Variants in CCND1 observed in about 807,000 individuals in gnomAD.
CCND1 encodes the protein G1/S-specific cyclin-D1.
Under a neutral mutation model 26.1 loss-of-function variants are expected in CCND1, and 9 were observed. The observed-to-expected ratio is 0.35, with a 90% CI of 0.21 to 0.60. The LOEUF (loss-of-function observed/expected upper bound fraction) is 0.60, where lower values mean the gene tolerates loss of function less well. Ranked by LOEUF, CCND1 falls within the 20% of genes least tolerant of loss-of-function variation. CCND1 has a pLI of 0.79. For missense variants in CCND1, 335 were observed against 392.9 expected (o/e 0.85, Z 1.25); for synonymous variants, 194 against 166.1 (o/e 1.17, Z -1.29).
rs1855806538 is a variant in CCND1, at chr11:69,648,024, T to C, written c.605T>C (p.Met202Thr). ...DVKFISNPPS[M>T]VAAGSVVAAV... ...AAGTTCATTTCCAATCCGCCCTCCA[T>C]GGTGGCAGCGGGGAGCGTGGTGGCC... The change falls in exon 4 of 5, where the codon ATG (methionine) becomes ACG (threonine). Residue 202 changes from methionine (M) to threonine (T), a missense_variant. Coordinates refer to ENST00000227507, the MANE Select transcript of CCND1 (RefSeq NM_053056.3). 1 of 1,613,842 alleles carries C rather than the reference T, an allele frequency of 6.2e-7. No homozygotes were observed. The highest frequency in any genetic ancestry group is 8.5e-7 in the Non-Finnish European group (1 of 1,180,018).
At chr11:69,649,506 T>C (rs540033840) in intron 4 of CCND1, among the ~76,000 whole-genome samples, 22 of 152,306 alleles carry the variant, frequency 1.4e-4, no homozygotes, top group African/African-American at 1.9e-4. Context: ...AGAAAAACCG[T>C]CCACAGCAGA....
At chr11:69,642,962 G>T in intron 1 of CCND1, 69 bp from the exon 2 acceptor site, 1 of 1,198,706 alleles carries the variant, frequency 8.3e-7, no homozygotes, top group South Asian at 1.8e-5. Context: ...AGCGCGATGG[G>T]GGGTGCGGGG....
rs1176401077 is a variant in CCND1 at position 69,643,183 on chromosome 11, C to G, written c.351C>G (p.Ile117Met). 3 of 1,607,016 alleles carry G rather than the reference C, an allele frequency of 1.9e-6. No homozygotes were observed. The highest frequency in any genetic ancestry group is 2.5e-6 in the Non-Finnish European group (3 of 1,177,094). Reference sequence around the variant, plus strand: ...TGGCCTCTAAGATGAAGGAGACCATCCCCCTGACGGCCGAGAAGCTGTGCA... The same window carrying G: ...TGGCCTCTAAGATGAAGGAGACCATGCCCCTGACGGCCGAGAAGCTGTGCA... Reference protein sequence around the residue: ...MFVASKMKETIPLTAEKLCIY... With the variant: ...MFVASKMKETMPLTAEKLCIY... The change falls in exon 2 of 5, where the codon ATC (isoleucine) becomes ATG (methionine). Residue 117 changes from isoleucine to methionine, a missense_variant. Coordinates refer to ENST00000227507, the MANE Select transcript of CCND1 (RefSeq NM_053056.3).
rs1173908293 is a variant in CCND1 at position 69,643,968 on chromosome 11, C to A, written c.551C>A (p.Thr184Asn). 1.9e-6 allele frequency: 3 copies of A among 1,613,430 alleles called. No homozygotes were observed. Among genetic ancestry groups the A allele is most frequent in the South Asian group, 1.1e-5 (1 of 91,086 alleles). ...NKQIIRKHAQ[T>N]FVALCATDVK... ...CAGATCATCCGCAAACACGCGCAGA[C>A]CTTCGTTGCCCTCTGTGCCACAGGT... The change falls in exon 3 of 5, where the codon ACC becomes AAC. Residue 184 changes from threonine to asparagine, a missense_variant. Physicochemically the swap from Thr to Asn is moderately conservative, Grantham distance 65 (BLOSUM62 0). Coordinates refer to ENST00000227507, the MANE Select transcript of CCND1 (RefSeq NM_053056.3).
chr11:69,653,217 A>G lies in CCND1; in HGVS notation c.*1935A>G, dbSNP rs1336824761. ...AAGGGGCGGTGCCCACACCGGGGACAGGCCGCAGCTCCATTTTCTTATTGC... is the reference window on the plus strand; with the variant it reads ...AAGGGGCGGTGCCCACACCGGGGACGGGCCGCAGCTCCATTTTCTTATTGC... On this transcript the variant is annotated 3_prime_UTR_variant, in exon 5 of 5. Transcript: ENST00000227507. The G allele has an allele frequency of 7.2e-6, 5 of 697,340 alleles. No homozygotes were observed. The highest frequency in any genetic ancestry group is 6.0e-5 in the South Asian group (4 of 66,520). The allele number at this position is 697,340 out of a possible 1,614,324, so 43.2% of individuals were successfully genotyped here.
At chr11:69,649,557 G>A (rs1855829158) in intron 4 of CCND1, among the ~76,000 whole-genome samples, 1 of 152,230 alleles carries the variant, frequency 6.6e-6, no homozygotes, top group Non-Finnish European at 1.5e-5. Context: ...AATTTTCTTT[G>A]GTGGGTGGAA....
intron 1 of CCND1, among the ~76,000 whole-genome samples, chr11:69,642,069 C>T (rs1855711140): frequency 6.7e-6 from 1 of 150,320 alleles, no homozygotes; most frequent in Non-Finnish European, 1.5e-5. Context: ...AGCTAAGGGC[C>T]GCGCGGCTGC....
At position 69,653,724 on chromosome 11, in the gene CCND1, T is replaced by C. The variant is rs1855885875; in HGVS notation, c.*2442T>C. On this transcript the variant is annotated 3_prime_UTR_variant, in exon 5 of 5. Transcript: ENST00000227507. ...TCGGGGGCGTAGCATCATAGTAGTT[T>C]TTACAGCTGTGTTATTCTTTGCGTG... is the stretch of plus-strand genomic sequence containing the variant. 1 of 295,938 alleles carries C rather than the reference T, an allele frequency of 3.4e-6. No homozygotes were observed. Among genetic ancestry groups the C allele is most frequent in the African/African-American group, 2.1e-5 (1 of 46,812 alleles). 18.3% of individuals were successfully genotyped at this position (295,938 alleles called of 1,614,324 possible). A position where few individuals can be genotyped will look rare whatever the true frequency, so the allele number is the denominator to read the frequency against.
chr11:69,643,170 TGAA>T lies in CCND1; in HGVS notation c.340_342del (p.Lys114del). 6.2e-7 allele frequency: 1 copy of T among 1,608,924 alleles called. No individual in the cohort carries two copies. Among genetic ancestry groups the T allele is most frequent in the Non-Finnish European group, 8.5e-7 (1 of 1,177,990 alleles). Reference sequence around the variant, plus strand: ...ACTTGCATGTTCGTGGCCTCTAAGATGAAGGAGACCATCCCCCTGACGGCCGAG... The same window carrying T: ...ACTTGCATGTTCGTGGCCTCTAAGATGGAGACCATCCCCCTGACGGCCGAG... On this transcript the variant is annotated inframe_deletion, in exon 2 of 5. Transcript: ENST00000227507.
rs1401582268 is a variant in CCND1 at position 69,653,581 on chromosome 11, C to T, written c.*2299C>T. On this transcript the variant is annotated 3_prime_UTR_variant, in exon 5 of 5. Coordinates refer to ENST00000227507, the MANE Select transcript of CCND1 (RefSeq NM_053056.3). ...GCAGACACGCGGGCGCGATCCCACA[C>T]AGGCTGGCGGGGGCCGGCCCCGAGG... is the stretch of plus-strand genomic sequence containing the variant. The T allele has an allele frequency of 1.9e-5, 10 of 522,150 alleles. No homozygotes were observed. The highest frequency in any genetic ancestry group is 3.4e-5 in the Non-Finnish European group (10 of 297,266). The allele number at this position is 522,150 out of a possible 1,614,324, so 32.3% of individuals were successfully genotyped here.
At chr11:69,648,591 C>T (rs997768349) in intron 4 of CCND1, among the ~76,000 whole-genome samples, 4 of 152,266 alleles carry the variant, frequency 2.6e-5, no homozygotes, top group African/African-American at 4.8e-5. Flanking sequence ...TTGTTGTTTA[C>T]GGCCTCTTTG....
rs1365496769 is a variant in CCND1, at chr11:69,653,175, AG to A, written c.*1895del. 1 of 646,156 alleles carries A rather than the reference AG, an allele frequency of 1.5e-6. No individual in the cohort carries two copies. The highest frequency in any genetic ancestry group is 1.8e-5 in the African/African-American group (1 of 54,936). The allele number at this position is 646,156 out of a possible 1,614,324, so 40.0% of individuals were successfully genotyped here. ...AGGACAGGCGGGAGGAGGTGTGAGG[AG>A]GAGGCTCCCGAGGGGAAGGGGCGGT... On this transcript the variant is annotated 3_prime_UTR_variant, in exon 5 of 5. Transcript: ENST00000227507.
intron 3 of CCND1, among the ~76,000 whole-genome samples, chr11:69,647,793 C>A (rs942172218): frequency 6.6e-6 from 1 of 152,158 alleles, no homozygotes; most frequent in Non-Finnish European, 1.5e-5. Context: ...CCAGGAGGGT[C>A]CGTGGGCCAG....
intron 1 of CCND1, among the ~76,000 whole-genome samples, chr11:69,642,772 C>A (rs1175490385): frequency 6.6e-6 from 1 of 151,712 alleles, no homozygotes; most frequent in African/African-American, 2.4e-5. Flanking sequence ...CGCGCCGCCG[C>A]GCACGCCGCC....
intron 3 of CCND1, among the ~76,000 whole-genome samples, chr11:69,644,411 C>A (rs1018709182): frequency 6.6e-6 from 1 of 152,190 alleles, no homozygotes; most frequent in Admixed American, 6.5e-5. Context: ...TGGCCTCTCC[C>A]AGGCTGGGCC....
At position 69,647,043 on chromosome 11, in the gene CCND1, T is replaced by C. The variant is rs553556746; in HGVS notation, c.575-951T>C. On this transcript the variant is annotated intron_variant, in intron 3 of 4. Transcript: ENST00000227507. The stretch of plus-strand genomic sequence containing the variant: ...AGGAAGCCCCAGGTGAGGGCACTGG[T>C]GCCCTCTTGGGAAAGCTGCTCCCTC... Among the ~76,000 whole-genome samples, 6 of 152,260 alleles carry C rather than the reference T, an allele frequency of 3.9e-5. No homozygotes were observed. The East Asian group carries it at 9.7e-4, about 25-fold the overall frequency.
rs535580849 is a variant in CCND1, at chr11:69,645,909, G to A, written c.574+1918G>A. On this transcript the variant is annotated intron_variant, in intron 3 of 4. Transcript: ENST00000227507. Reference sequence around the variant, plus strand: ...AGGGCAGGTGCGCCCTTGGCTCCGTGGGAGGCCAGGTGAGGAACGTCCAGT... The same window carrying A: ...AGGGCAGGTGCGCCCTTGGCTCCGTAGGAGGCCAGGTGAGGAACGTCCAGT... Among the ~76,000 whole-genome samples the A allele has an allele frequency of 2.6e-5, 4 of 152,316 alleles. No individual in the cohort carries two copies. The East Asian group carries it at 7.7e-4, about 29-fold the overall frequency.
rs2120110253 is a variant in CCND1 at position 69,648,138 on chromosome 11, A to G, written c.719A>G (p.Asp240Gly). 1 of 1,613,644 alleles carries G rather than the reference A, an allele frequency of 6.2e-7. No homozygotes were observed. The highest frequency in any genetic ancestry group is 8.5e-7 in the Non-Finnish European group (1 of 1,179,938). Residue 240 changes from aspartate to glycine, a missense_variant, in exon 4 of 5, where the codon GAC becomes GGC. By Grantham distance (94) the Asp-to-Gly change is moderately conservative. Transcript: ENST00000227507. ...TTCCTCTCCAGAGTGATCAAGTGTG[A>G]CCCGGTAAGTGAGGGTGATGTCCCA... ...TRFLSRVIKC[D>G]PDCLRACQEQ...
At chr11:69,645,389 G>C (rs1006957491) in intron 3 of CCND1, among the ~76,000 whole-genome samples, 20 of 152,336 alleles carry the variant, frequency 1.3e-4, no homozygotes, top group Admixed American at 1.3e-3. Context: ...GGACCCCTGG[G>C]TGCTAGTGGG....
Sources: allele counts gnomAD v4.1 joint callset (sites outside exome capture counted in the v4.1 genomes callset), GRCh38; gene constraint gnomAD v4.1.1; transcripts MANE v1.5; gene names NCBI Gene and HGNC (gene_info 2026-07-23, HGNC 2026-07-21).